The following PROSER1 variants were observed in gnomAD, a reference collection of about 807,000 sequenced individuals.
PROSER1 encodes the protein proline and serine rich 1.
Under a neutral mutation model 71.8 loss-of-function variants are expected in PROSER1, and 36 were observed. That is an observed-to-expected ratio of 0.50 (90% CI 0.38 to 0.66). PROSER1 has a LOEUF of 0.66. PROSER1 is among the 30% of genes least tolerant of loss of function. The probability of loss-of-function intolerance (pLI) is 0.00; values close to 1 mark genes in which losing one functional copy is unlikely to be tolerated. For synonymous variants in PROSER1, 490 were observed against 452.4 expected (o/e 1.08, Z -1.06); for missense variants, 1,107 against 1,135.0 (o/e 0.98, Z 0.35).
At chr13:39,012,665 A>G (rs1408301121) in intron 11 of PROSER1, 26 bp downstream of exon 11, 14 of 1,460,878 alleles carry the variant, frequency 9.6e-6, no homozygotes, top group Non-Finnish European at 1.3e-5. Flanking sequence ...GAATAATTTT[A>G]TCCTATTTCC....
Position 39,037,290 on chromosome 13 carries a change from A to C in PROSER1, c.-48T>G, listed in dbSNP as rs1186786300. 2.2e-6 allele frequency: 3 copies of C among 1,377,492 alleles called. No homozygotes were observed. The East Asian group carries it at 6.8e-5, about 31-fold the overall frequency. 85.3% of individuals were successfully genotyped at this position (1,377,492 alleles called of 1,614,324 possible). A position where few individuals can be genotyped will look rare whatever the true frequency, so the allele number is the denominator to read the frequency against. On this transcript the variant is annotated 5_prime_UTR_variant, in exon 1 of 13. Transcript: ENST00000352251. ...TTTTAACAGTTATACTTGCAATTAA[A>C]AGACGTTCATCCCTGGTCTGCTCCG...
intron 8 of PROSER1, 28 bp from the exon 9 acceptor site, chr13:39,022,440 T>A: frequency 6.8e-7 from 1 of 1,478,800 alleles, no homozygotes; most frequent in East Asian, 2.3e-5. Context: ...TAGAAAAAAA[T>A]ATACCTTAGG....
chr13:39,031,786 T>C (rs1432642116), intron 2 of PROSER1, 155 bp from the exon 3 acceptor site: 1 of 611,142 alleles, frequency 1.6e-6, no homozygotes, highest in Non-Finnish European at 2.9e-6. Flanking sequence ...GAATAGCTAT[T>C]ATATAGTTAT....
At position 39,023,098 on chromosome 13, in the gene PROSER1, A is replaced by T; in HGVS notation, c.597T>A (p.Val199=). 6.2e-7 allele frequency: 1 copy of T among 1,613,346 alleles called. No homozygotes were observed. Among genetic ancestry groups the T allele is most frequent in the Non-Finnish European group, 8.5e-7 (1 of 1,179,402 alleles). ...PPSTYNPHKP[V]PYPIPPCRPH... is the part of the protein sequence containing the mutation. ...GTCGGCATGGAGGTATCGGATAAGG[A>T]ACAGGTTTATGTGGATTATATGTTG... Residue 199 remains valine, a synonymous_variant, in exon 8 of 13, where the codon GTT becomes GTA. Coordinates refer to ENST00000352251, the MANE Select transcript of PROSER1 (RefSeq NM_025138.5).
chr13:39,026,243 G>A, intron 6 of PROSER1, 34 bp downstream of exon 6: 9 of 1,323,426 alleles, frequency 6.8e-6, no homozygotes, highest in Non-Finnish European at 9.7e-6. Context: ...TTAACCATGA[G>A]AAGTTTCATA....
At chr13:39,034,286 C>A in intron 1 of PROSER1, 90 bp from the exon 2 acceptor site, 2 of 1,026,490 alleles carry the variant, frequency 1.9e-6, no homozygotes, top group Non-Finnish European at 2.8e-6. Context: ...ACTGCCCAAG[C>A]AACTCAACAG....
intron 1 of PROSER1, among the ~76,000 whole-genome samples, chr13:39,035,400 A>C (rs1871050049): frequency 6.6e-6 from 1 of 152,082 alleles, no homozygotes; most frequent in Non-Finnish European, 1.5e-5. Context: ...CCCAGCCCCC[A>C]ACTTACCACC....
intron 6 of PROSER1, among the ~76,000 whole-genome samples, chr13:39,025,314 G>A (rs1288111552): frequency 6.6e-6 from 1 of 152,152 alleles, no homozygotes; most frequent in Non-Finnish European, 1.5e-5. Context: ...ACTGTGTGTG[G>A]CTAAATGGTA....
At chr13:39,031,447 CACAT>C (rs1870837773) in intron 3 of PROSER1, 112 bp downstream of exon 3, 1 of 757,280 alleles carries the variant, frequency 1.3e-6, no homozygotes, top group Non-Finnish European at 2.2e-6. Context: ...AGTACAATAA[CACAT>C]AGAGTTCGCT....
At chr13:39,017,212 A>G (rs1870046114) in intron 10 of PROSER1, among the ~76,000 whole-genome samples, 3 of 152,258 alleles carry the variant, frequency 2.0e-5, no homozygotes, top group Non-Finnish European at 4.4e-5. Context: ...CACAGAATGT[A>G]AAGTGAATGT....
chr13:39,024,037 C>A (rs1281668506), intron 7 of PROSER1: 6 of 159,418 alleles, frequency 3.8e-5, no homozygotes, highest in Admixed American at 3.6e-4. Flanking sequence ...AGTACTTCAA[C>A]TCCAAAGATC....
chr13:39,022,633 C>T (rs1870349093), intron 8 of PROSER1: 1 of 496,620 alleles, frequency 2.0e-6, no homozygotes, highest in Non-Finnish European at 3.6e-6. Context: ...ACTGCATGCT[C>T]ATTGCAGGGA....
At chr13:39,018,926 G>A (rs1870149016) in intron 9 of PROSER1, among the ~76,000 whole-genome samples, 1 of 151,878 alleles carries the variant, frequency 6.6e-6, no homozygotes, top group African/African-American at 2.4e-5. Context: ...GAAATCCAAA[G>A]ATAAAAAAAA....
At chr13:39,020,265 C>A (rs1870227195) in intron 9 of PROSER1, among the ~76,000 whole-genome samples, 1 of 151,974 alleles carries the variant, frequency 6.6e-6, no homozygotes, top group Middle Eastern at 3.2e-3. Context: ...AAAACACTAC[C>A]AGCTTGACGT....
Position 39,026,403 on chromosome 13 carries a change from G to C in PROSER1, c.370-16C>G. ...CCTTGAAAGCCTGTAATATAAGAAAGAAGAGGGGTAGGAAAAAAATTCTTA... is the reference window on the plus strand; with the variant it reads ...CCTTGAAAGCCTGTAATATAAGAAACAAGAGGGGTAGGAAAAAAATTCTTA... On this transcript the variant is annotated splice_polypyrimidine_tract_variant and intron_variant, in intron 5 of 12. Transcript: ENST00000352251. 1 of 1,546,538 alleles carries C rather than the reference G, an allele frequency of 6.5e-7. No individual in the cohort carries two copies. The highest frequency in any genetic ancestry group is 8.8e-7 in the Non-Finnish European group (1 of 1,132,514).
At position 39,011,218 on chromosome 13, in the gene PROSER1, A is replaced by C; in HGVS notation, c.*147T>G. ...TGTTCACACTTTAAAATGCAACCACAATTTTCAAATTGTTGTCACAATTTC... is the reference window on the plus strand; with the variant it reads ...TGTTCACACTTTAAAATGCAACCACCATTTTCAAATTGTTGTCACAATTTC... On this transcript the variant is annotated 3_prime_UTR_variant, in exon 13 of 13. Transcript: ENST00000352251. The C allele has an allele frequency of 1.3e-6, 1 of 776,968 alleles. No homozygotes were observed. Among genetic ancestry groups the C allele is most frequent in the Middle Eastern group, 2.8e-4 (1 of 3,630 alleles). The allele number at this position is 776,968 out of a possible 1,614,324, so 48.1% of individuals were successfully genotyped here.
At chr13:39,023,006 A>C in intron 8 of PROSER1, 46 bp downstream of exon 8, 3 of 1,495,692 alleles carry the variant, frequency 2.0e-6, no homozygotes, top group Non-Finnish European at 2.8e-6. Context: ...TTTAATAAAT[A>C]AACAGCAAAA....
At chr13:39,029,589 T>C (rs541626887) in intron 3 of PROSER1, among the ~76,000 whole-genome samples, 19 of 152,138 alleles carry the variant, frequency 1.2e-4, no homozygotes, top group African/African-American at 4.3e-4. Flanking sequence ...CTAATGAAGA[T>C]CTAAGTTCTC....
At chr13:39,014,583 A>C in intron 10 of PROSER1, 107 bp from the exon 11 acceptor site, 1 of 806,842 alleles carries the variant, frequency 1.2e-6, no homozygotes, top group Non-Finnish European at 1.9e-6. Flanking sequence ...ATACCAAATA[A>C]AAAATGACAA....
Sources: gnomAD v4.1 joint callset for allele counts (sites outside exome capture counted in the v4.1 genomes callset) on GRCh38, gnomAD v4.1.1 for gene constraint, MANE v1.5 for transcripts, NCBI Gene and HGNC (gene_info 2026-07-23, HGNC 2026-07-21) for gene names.